The following VAT1L variants were observed in gnomAD, a reference collection of about 807,000 sequenced individuals.
VAT1L encodes the protein vesicle amine transport 1 like, also known as putative NADPH-dependent quinone oxidoreductase VAT1L.
Under a neutral mutation model 44.1 loss-of-function variants are expected in VAT1L, and 34 were observed. The observed-to-expected ratio is 0.77, with a 90% confidence interval of 0.59 to 1.03. The LOEUF (loss-of-function observed/expected upper bound fraction) is 1.03, where lower values mean the gene tolerates loss of function less well. Among genes scored for constraint, VAT1L ranks in the 50% least tolerant of loss-of-function variants. The probability of loss-of-function intolerance (pLI) is 0.00; values close to 1 mark genes in which losing one functional copy is unlikely to be tolerated. For synonymous variants in VAT1L, 253 were observed against 202.2 expected, an observed-to-expected ratio of 1.25 and a Z score of -2.13; for missense variants, 615 against 538.8, an observed-to-expected ratio of 1.14 and a Z score of -1.40.
At chr16:77,931,755 G>C (rs1184828735) in intron 7 of VAT1L, among the ~76,000 whole-genome samples, 1 of 152,162 alleles carries the variant, frequency 6.6e-6, no homozygotes, top group East Asian at 1.9e-4. Flanking sequence ...CACACAGCTG[G>C]AAAAATATAT....
At chr16:77,854,865 G>T (rs1158246014) in intron 3 of VAT1L, among the ~76,000 whole-genome samples, 3 of 152,274 alleles carry the variant, frequency 2.0e-5, no homozygotes, top group Admixed American at 2.0e-4. Flanking sequence ...CTTGAAAATG[G>T]TCAAGTTAGT....
Position 77,870,798 on chromosome 16 carries a change from C to T in VAT1L, c.723-5572C>T, listed in dbSNP as rs141147439. Among the ~76,000 whole-genome samples the T allele has an allele frequency of 6.2e-4, 94 of 152,294 alleles. 1 individual carries two copies. The East Asian group carries it at 0.015, about 25-fold the overall frequency. ...CATATGCAGGCAGTGGTGAACACCCCCAGAAACCGGAGTCAGGGGGCACAG... is the reference window on the plus strand; with the variant it reads ...CATATGCAGGCAGTGGTGAACACCCTCAGAAACCGGAGTCAGGGGGCACAG... On this transcript the variant is annotated intron_variant, in intron 4 of 8. Transcript: ENST00000302536.
chr16:77,927,805 G>A (rs1209566653), intron 7 of VAT1L, among the ~76,000 whole-genome samples: 1 of 151,568 alleles, frequency 6.6e-6, no homozygotes, highest in Non-Finnish European at 1.5e-5. Flanking sequence ...GGAGGTGGAG[G>A]TTACAGTGAG....
intron 4 of VAT1L, among the ~76,000 whole-genome samples, chr16:77,871,202 C>A (rs1167279472): frequency 6.6e-6 from 1 of 152,154 alleles, no homozygotes; most frequent in Admixed American, 6.5e-5. Flanking sequence ...CCCAACTTCT[C>A]CCCCTCAGAA....
chr16:77,860,012 C>CT (rs200987338), intron 3 of VAT1L, among the ~76,000 whole-genome samples: 1,558 of 152,152 alleles, frequency 0.01, 28 homozygotes, highest in African/African-American at 0.036. Flanking sequence ...GGCTGGTGTC[C>CT]TTATGAGAAG....
chr16:77,870,596 G>C (rs530783924), intron 4 of VAT1L, among the ~76,000 whole-genome samples: 2 of 152,318 alleles, frequency 1.3e-5, no homozygotes, highest in African/African-American at 4.8e-5. Context: ...GAAGGTCTTG[G>C]AACAGCAACT....
chr16:77,955,618 G>C (rs2018094143), intron 7 of VAT1L, among the ~76,000 whole-genome samples: 1 of 151,976 alleles, frequency 6.6e-6, no homozygotes, highest in Non-Finnish European at 1.5e-5. Flanking sequence ...CCAGCTACTT[G>C]GGAGGCTGAA....
chr16:77,797,038 CAGTG>C (rs2015948018), intron 1 of VAT1L, among the ~76,000 whole-genome samples: 1 of 151,742 alleles, frequency 6.6e-6, no homozygotes, highest in Non-Finnish European at 1.5e-5. Context: ...ACTACTGGGG[CAGTG>C]GGTGCACTAA....
intron 3 of VAT1L, among the ~76,000 whole-genome samples, chr16:77,827,047 G>T (rs1289117514): frequency 2.0e-5 from 3 of 152,224 alleles, no homozygotes; most frequent in Admixed American, 6.5e-5. Context: ...CCAGAACCAT[G>T]AAGGCAAAGA....
chr16:77,819,793 T>A (rs1033820425), intron 2 of VAT1L, among the ~76,000 whole-genome samples: 1 of 152,370 alleles, frequency 6.6e-6, no homozygotes, highest in Admixed American at 6.5e-5. Context: ...CTTAGACAGC[T>A]GTTCCTCCTG....
chr16:77,957,462 C>T (rs892912928), intron 7 of VAT1L, among the ~76,000 whole-genome samples: 2 of 152,304 alleles, frequency 1.3e-5, no homozygotes, highest in East Asian at 3.9e-4. Context: ...TGCAGTGGCT[C>T]ACGCCTATAA....
chr16:77,814,331 A>T (rs1222009643), intron 1 of VAT1L, among the ~76,000 whole-genome samples: 1 of 152,142 alleles, frequency 6.6e-6, no homozygotes, highest in Admixed American at 6.5e-5. Context: ...TCCAAAATAC[A>T]CCTGCGTCCT....
chr16:77,946,279 C>CTTTTTTTTTGTTTTTTTTTTTTTTT (rs2017963977), intron 7 of VAT1L, among the ~76,000 whole-genome samples: 1 of 70,428 alleles, frequency 1.4e-5, no homozygotes, highest in African/African-American at 5.3e-5. Context: ...GTTACTTGTT[C>CTTTTTTTTTGTTTTTTTTTTTTTTT]TTTTTTTTTT....
chr16:77,837,578 A>G (rs56774138), intron 3 of VAT1L, among the ~76,000 whole-genome samples: 176 of 152,290 alleles, frequency 1.2e-3, no homozygotes, highest in African/African-American at 4.1e-3. Context: ...AAATGAAAGA[A>G]TCAAGGGAAA....
chr16:77,942,703 C>A (rs1364249526), intron 7 of VAT1L, among the ~76,000 whole-genome samples: 1 of 152,122 alleles, frequency 6.6e-6, no homozygotes, highest in African/African-American at 2.4e-5. Flanking sequence ...GGTTTGAATT[C>A]AGTAACCACC....
intron 7 of VAT1L, among the ~76,000 whole-genome samples, chr16:77,959,331 G>A (rs139036509): frequency 1.1e-4 from 16 of 152,250 alleles, no homozygotes; most frequent in African/African-American, 3.9e-4. Context: ...AAGCTACTTG[G>A]CAAAAGCCAG....
intron 8 of VAT1L, among the ~76,000 whole-genome samples, chr16:77,976,505 C>G (rs537479229): frequency 2.0e-5 from 3 of 152,086 alleles, no homozygotes; most frequent in Admixed American, 2.0e-4. Flanking sequence ...AGCTGAGATT[C>G]AGGGGCCAAA....
intron 5 of VAT1L, among the ~76,000 whole-genome samples, 178 bp from the exon 6 acceptor site, chr16:77,878,991 A>C (rs1038687614): frequency 7.2e-5 from 11 of 152,234 alleles, no homozygotes; most frequent in Non-Finnish European, 1.6e-4. Context: ...AGGGACAGTC[A>C]GCTAACATAG....
At chr16:77,909,636 C>CAAAAAAAAAAAAAAAAA (rs35074692) in intron 7 of VAT1L, among the ~76,000 whole-genome samples, 1 of 87,330 alleles carries the variant, frequency 1.1e-5, no homozygotes, top group South Asian at 4.5e-4. Context: ...GACTCTGTCT[C>CAAAAAAAAAAAAAAAAA]AAAAAAAAAA....
Sources: gnomAD v4.1 joint callset for allele counts (sites outside exome capture counted in the v4.1 genomes callset) on GRCh38, gnomAD v4.1.1 for gene constraint, MANE v1.5 for transcripts, NCBI Gene and HGNC (gene_info 2026-07-23, HGNC 2026-07-21) for gene names.